Variants in PABPN1 observed in about 807,000 individuals in gnomAD.
PABPN1 encodes polyadenylate-binding protein 2.
A neutral mutation model predicts 33.4 loss-of-function variants in PABPN1; 5 were observed. That is an observed-to-expected ratio of 0.15 (90% CI 0.08 to 0.32). PABPN1 has a LOEUF of 0.32. Among genes scored for constraint, PABPN1 ranks in the 10% least tolerant of loss-of-function variants. The probability of loss-of-function intolerance (pLI) is 1.00; values close to 1 mark genes in which losing one functional copy is unlikely to be tolerated. For missense variants in PABPN1, 312 were observed against 425.8 expected, an observed-to-expected ratio of 0.73 and a Z score of 2.35; for synonymous variants, 176 against 170.6, an observed-to-expected ratio of 1.03 and a Z score of -0.25.
chr14:23,323,821 A>G, intron 4 of PABPN1, 144 bp from the exon 5 acceptor site: 5 of 910,616 alleles, frequency 5.5e-6, no homozygotes, highest in Non-Finnish European at 8.5e-6. Context: ...ATGATTTCGA[A>G]TGATTGAAAT....
chr14:23,325,412 A>G lies in PABPN1; in HGVS notation c.*126A>G. 2.4e-6 allele frequency: 3 copies of G among 1,258,630 alleles called. No homozygotes were observed. Among genetic ancestry groups the G allele is most frequent in the Non-Finnish European group, 3.2e-6 (3 of 925,280 alleles). The allele number at this position is 1,258,630 out of a possible 1,614,324, so 78.0% of individuals were successfully genotyped here. ...GGAAAAAAAATATTTTTTAAAAAAA[A>G]GATATACTGTGGAAGGGGGGAGAAT... On this transcript the variant is annotated 3_prime_UTR_variant, in exon 7 of 7. Coordinates refer to ENST00000216727, the MANE Select transcript of PABPN1 (RefSeq NM_004643.4).
intron 4 of PABPN1, 83 bp from the exon 5 acceptor site, chr14:23,323,882 C>T (rs529300536): frequency 2.7e-5 from 38 of 1,410,938 alleles, no homozygotes; most frequent in Admixed American, 7.1e-5. Context: ...GCATTGTAGC[C>T]CAAAACGAAG....
At chr14:23,325,009 A>T in intron 6 of PABPN1, 1 of 484,158 alleles carries the variant, frequency 2.1e-6, no homozygotes, top group Non-Finnish European at 3.6e-6. Context: ...CCTGTCTCTC[A>T]CTCAGATGCG....
chr14:23,323,360 T>C lies in PABPN1; in HGVS notation c.535-17T>C, dbSNP rs747857541. On this transcript the variant is annotated splice_polypyrimidine_tract_variant and intron_variant, in intron 3 of 6. Transcript: ENST00000216727. The stretch of plus-strand genomic sequence containing the variant: ...GGAATTTGCCTGGTGCCTGTGAAAT[T>C]TTTCTCCTCTCATCAGGTGGACTAT... 4.1e-5 allele frequency: 66 copies of C among 1,612,136 alleles called. No homozygotes were observed. Among genetic ancestry groups the C allele is most frequent in the Non-Finnish European group, 5.5e-5 (65 of 1,179,704 alleles).
In PABPN1 at chr14:23,325,480, G is replaced by C; in HGVS notation, c.*194G>C. 1.4e-6 allele frequency: 1 copy of C among 724,770 alleles called. No homozygotes were observed. The highest frequency in any genetic ancestry group is 3.0e-5 in the Admixed American group (1 of 33,418). The allele number at this position is 724,770 out of a possible 1,614,324, so 44.9% of individuals were successfully genotyped here. On this transcript the variant is annotated 3_prime_UTR_variant, in exon 7 of 7. Coordinates refer to ENST00000216727, the MANE Select transcript of PABPN1 (RefSeq NM_004643.4). ...AGGAGGGACCTGCTTTGGGGAGTAG[G>C]GGAAGGCCCAGGGAGTGGGGCAGGG...
chr14:23,321,743 GC>G lies in PABPN1; in HGVS notation c.279del (p.Gly94AlafsTer43), dbSNP rs1402323073. The G allele has an allele frequency of 1.3e-6, 2 of 1,540,090 alleles. No individual in the cohort carries two copies. The highest frequency in any genetic ancestry group is 2.0e-5 in the Admixed American group (1 of 50,126). On this transcript the variant is annotated frameshift_variant, in exon 1 of 7. Transcript: ENST00000216727. LOFTEE classifies it high-confidence loss of function. ...TCCGGGCCCTGGGCCTGGTTCGGGA[GC>G]CCCCGGCAGCCAAGAGGAGGAGGAG... ...GAPGPGPGSG[A>X]PGSQEEEEEP... is the part of the protein sequence containing the mutation.
At chr14:23,322,591 A>G (rs1888397950) in intron 2 of PABPN1, 1 of 480,206 alleles carries the variant, frequency 2.1e-6, no homozygotes, top group African/African-American at 1.9e-5. Flanking sequence ...TTGACCTTCA[A>G]ATCTAATAGT....
chr14:23,323,310 G>C (rs905858671), intron 3 of PABPN1, 67 bp from the exon 4 acceptor site: 55 of 1,531,038 alleles, frequency 3.6e-5, no homozygotes, highest in Non-Finnish European at 4.7e-5. Context: ...CAGACCAAAG[G>C]CTCGGGAGGG....
intron 6 of PABPN1, chr14:23,325,007 T>TTATA: frequency 2.1e-6 from 1 of 484,714 alleles, no homozygotes; most frequent in Non-Finnish European, 3.6e-6. Context: ...CCCCTGTCTC[T>TTATA]CACTCAGATG....
intron 1 of PABPN1, 177 bp downstream of exon 1, chr14:23,321,997 G>C (rs1183700330): frequency 1.3e-6 from 1 of 791,918 alleles, no homozygotes; most frequent in African/African-American, 1.7e-5. Flanking sequence ...CGACTGGCTT[G>C]ATTCGGGCGT....
At chr14:23,322,903 G>T in intron 2 of PABPN1, 96 bp from the exon 3 acceptor site, 1 of 1,565,166 alleles carries the variant, frequency 6.4e-7, no homozygotes, top group South Asian at 1.1e-5. Flanking sequence ...TGCCTTCACT[G>T]AGCTTATGGG....
chr14:23,322,883 C>A, intron 2 of PABPN1, 116 bp from the exon 3 acceptor site: 4 of 1,436,096 alleles, frequency 2.8e-6, no homozygotes, highest in Non-Finnish European at 3.9e-6. Context: ...ACAGCACAGA[C>A]CAAAATCTTT....
At position 23,322,719 on chromosome 14, in the gene PABPN1, A is replaced by G. The variant is rs181504039; in HGVS notation, c.467-280A>G. The G allele has an allele frequency of 2.9e-5, 15 of 511,778 alleles. 1 individual carries two copies. The Admixed American group carries it at 3.3e-4, about 11-fold the overall frequency. The allele number at this position is 511,778 out of a possible 1,614,324, so 31.7% of individuals were successfully genotyped here. ...CTTAATTTTGCTCACTCTTAAAAGC[A>G]TTTCAACCAAAGCCATTCATTAGGG... On this transcript the variant is annotated intron_variant, in intron 2 of 6. Coordinates refer to ENST00000216727, the MANE Select transcript of PABPN1 (RefSeq NM_004643.4).
At chr14:23,324,509 C>G in intron 6 of PABPN1, 1 of 626,290 alleles carries the variant, frequency 1.6e-6, no homozygotes, top group Non-Finnish European at 2.8e-6. Context: ...GGGCTGCATC[C>G]CTCCCTTGGT....
chr14:23,322,150 C>G (rs1888351814), intron 1 of PABPN1, 31 bp from the exon 2 acceptor site: 1 of 1,578,554 alleles, frequency 6.3e-7, no homozygotes, highest in Non-Finnish European at 8.6e-7. Context: ...TCCTCTTAAG[C>G]TGTCCTCCAT....
chr14:23,325,247 G>T lies in PABPN1; in HGVS notation c.882G>T (p.Arg294Ser). 1 of 1,613,088 alleles carries T rather than the reference G, an allele frequency of 6.2e-7. No homozygotes were observed. The highest frequency in any genetic ancestry group is 1.3e-5 in the African/African-American group (1 of 74,580). The change falls in exon 7 of 7, where the codon AGG becomes AGT. Residue 294 changes from arginine to serine, a missense_variant and splice_region_variant. By Grantham distance (110) the Arg-to-Ser change is moderately radical (BLOSUM62 -1). Around this residue, in one of 3 missense-constraint regions of PABPN1, gnomAD observed 68 missense variants for 71.1 expected, o/e 0.96. Coordinates refer to ENST00000216727, the MANE Select transcript of PABPN1 (RefSeq NM_004643.4). Reference protein sequence around the residue: ...FNSRPRGRVYRGRARATSWYS... With the variant: ...FNSRPRGRVYSGRARATSWYS... ...ACCTAACTCTCCTTCTTTCTTCCAG[G>T]GGCCGGGCTAGAGCGACATCATGGT... is the stretch of plus-strand genomic sequence containing the variant.
Position 23,321,477 on chromosome 14 carries a change from C to A in PABPN1, c.8C>A (p.Ala3Glu). The change falls in exon 1 of 7, where the codon GCG becomes GAG. Residue 3 changes from alanine (A) to glutamate (E), a missense_variant. Around this residue, in one of 3 missense-constraint regions of PABPN1, gnomAD observed 167 missense variants for 168.9 expected, o/e 0.99. Coordinates refer to ENST00000216727, the MANE Select transcript of PABPN1 (RefSeq NM_004643.4). MA[A>E]AAAAAAAAGA... ...GCCCCAGTCTGAGCGGCGATGGCGG[C>A]GGCGGCGGCGGCGGCAGCAGCAGCG... 1 of 1,163,116 alleles carries A rather than the reference C, an allele frequency of 8.6e-7. No individual in the cohort carries two copies. The highest frequency in any genetic ancestry group is 1.1e-6 in the Non-Finnish European group (1 of 945,278). The allele number at this position is 1,163,116 out of a possible 1,614,324, so 72.0% of individuals were successfully genotyped here. A position where few individuals can be genotyped will look rare whatever the true frequency, so the allele number is the denominator to read the frequency against.
chr14:23,322,624 T>G, intron 2 of PABPN1: 1 of 458,460 alleles, frequency 2.2e-6, no homozygotes, highest in South Asian at 2.2e-5. Context: ...TGGAGACGCT[T>G]TAGGATTCTA....
At chr14:23,323,918 G>A (rs1594990197) in intron 4 of PABPN1, 47 bp from the exon 5 acceptor site, 1 of 1,594,354 alleles carries the variant, frequency 6.3e-7, no homozygotes, top group East Asian at 2.2e-5. Context: ...AATTTGACCT[G>A]TGAGGTATTT....
Sources: allele counts gnomAD v4.1 joint callset, GRCh38; gene constraint gnomAD v4.1.1; regional missense constraint gnomAD v4.1.1; transcripts MANE v1.5; gene names NCBI Gene and HGNC (gene_info 2026-07-23, HGNC 2026-07-21).